Variants in RTF1 observed in about 807,000 individuals in gnomAD.
RTF1 encodes the protein RTF1 homolog, Paf1/RNA polymerase II complex component, also known as RNA polymerase-associated protein RTF1 homolog.
In RTF1, 10 loss-of-function variants were observed where a neutral mutation model predicts 95.7. The ratio of observed to expected loss-of-function variants is 0.10; its 90% CI spans 0.06 to 0.18. RTF1 has a LOEUF of 0.18. RTF1 is among the 10% of genes least tolerant of loss of function. The pLI is 1.00. For missense variants in RTF1, 458 were observed against 875.6 expected, an observed-to-expected ratio of 0.52 and a Z score of 6.02; for synonymous variants, 305 against 311.8, an observed-to-expected ratio of 0.98 and a Z score of 0.23.
intron 1 of RTF1, among the ~76,000 whole-genome samples, chr15:41,434,579 G>A (rs1262318235): frequency 6.6e-6 from 1 of 151,892 alleles, no homozygotes; most frequent in Non-Finnish European, 1.5e-5. Context: ...TGTAGATGAT[G>A]GGATATGGAG....
rs1432859215 is a variant in RTF1 at position 41,466,266 on chromosome 15, A to G, written c.889+14A>G. On this transcript the variant is annotated intron_variant, in intron 6 of 17. Coordinates refer to ENST00000389629, the MANE Select transcript of RTF1 (RefSeq NM_015138.5). ...AGAACAGAACAGGTAAGCGAGGGAAATATAATGGCTACTTGTGTCTTTATA... is the reference window on the plus strand; with the variant it reads ...AGAACAGAACAGGTAAGCGAGGGAAGTATAATGGCTACTTGTGTCTTTATA... The G allele has an allele frequency of 1.3e-6, 2 of 1,491,282 alleles. No homozygotes were observed. Among genetic ancestry groups the G allele is most frequent in the Admixed American group, 4.8e-5 (2 of 41,908 alleles). The allele number at this position is 1,491,282 out of a possible 1,614,324, so 92.4% of individuals were successfully genotyped here.
At chr15:41,432,914 G>A (rs2050682711) in intron 1 of RTF1, among the ~76,000 whole-genome samples, 1 of 150,522 alleles carries the variant, frequency 6.6e-6, no homozygotes, top group Non-Finnish European at 1.5e-5. Flanking sequence ...CTCCAGCTTG[G>A]GCAACAAGAG....
intron 1 of RTF1, among the ~76,000 whole-genome samples, chr15:41,430,534 G>T (rs1027891755): frequency 1.1e-4 from 16 of 151,968 alleles, no homozygotes; most frequent in Non-Finnish European, 2.1e-4. Context: ...GAGCTCAGAG[G>T]TTCAAGACCA....
At chr15:41,469,030 G>A (rs983081224) in intron 6 of RTF1, among the ~76,000 whole-genome samples, 6 of 151,652 alleles carry the variant, frequency 4.0e-5, no homozygotes, top group Non-Finnish European at 5.9e-5. Context: ...GTGCAGTGGC[G>A]CGATCTCGGC....
intron 1 of RTF1, among the ~76,000 whole-genome samples, chr15:41,437,989 T>C (rs570980750): frequency 9.8e-5 from 15 of 152,348 alleles, no homozygotes; most frequent in Non-Finnish European, 2.2e-4. Context: ...TTTGTAAACA[T>C]GTTTCTTACC....
chr15:41,461,206 C>T (rs2050846704), intron 4 of RTF1, among the ~76,000 whole-genome samples: 1 of 152,070 alleles, frequency 6.6e-6, no homozygotes, highest in African/African-American at 2.4e-5. Context: ...CCACGCCCAG[C>T]TAATTTTTGT....
chr15:41,424,967 A>G (rs776009655), intron 1 of RTF1, among the ~76,000 whole-genome samples: 1 of 151,756 alleles, frequency 6.6e-6, no homozygotes, highest in African/African-American at 2.4e-5. Context: ...CGAGATCACC[A>G]CTGTATTAGC....
chr15:41,435,276 T>A (rs1352206198), intron 1 of RTF1, among the ~76,000 whole-genome samples: 1 of 152,096 alleles, frequency 6.6e-6, no homozygotes, highest in Non-Finnish European at 1.5e-5. Flanking sequence ...GTTTAAAGTA[T>A]TTGTCAAACT....
At chr15:41,461,646 C>T (rs1482817032) in intron 4 of RTF1, among the ~76,000 whole-genome samples, 3 of 152,118 alleles carry the variant, frequency 2.0e-5, no homozygotes, top group African/African-American at 7.2e-5. Flanking sequence ...CCCGCCACCA[C>T]ACCCAGCCAA....
At chr15:41,426,190 A>G (rs1048828202) in intron 1 of RTF1, among the ~76,000 whole-genome samples, 2 of 152,006 alleles carry the variant, frequency 1.3e-5, no homozygotes, top group Admixed American at 1.3e-4. Context: ...CAGTGACACC[A>G]TCTTGGCTCA....
chr15:41,467,639 C>T (rs371582846), intron 6 of RTF1, among the ~76,000 whole-genome samples: 34 of 152,060 alleles, frequency 2.2e-4, no homozygotes, highest in South Asian at 1.9e-3. Flanking sequence ...CCCTTGAACC[C>T]GGGAGACGGA....
intron 3 of RTF1, among the ~76,000 whole-genome samples, chr15:41,453,300 G>GT (rs1385931778): frequency 6.6e-6 from 1 of 152,128 alleles, no homozygotes; most frequent in East Asian, 1.9e-4. Context: ...TCCTGCATTA[G>GT]TCTTGAATAC....
chr15:41,480,457 G>T, intron 17 of RTF1, 124 bp from the exon 18 acceptor site: 1 of 957,670 alleles, frequency 1.0e-6, no homozygotes, highest in South Asian at 1.4e-5. Context: ...GCCAGGCCAA[G>T]ACAGGCTGTG....
intron 8 of RTF1, among the ~76,000 whole-genome samples, chr15:41,473,973 G>C (rs143042558): frequency 1.7e-3 from 254 of 152,122 alleles, no homozygotes; most frequent in African/African-American, 5.9e-3. Context: ...GGAGGCAGAG[G>C]TTGCAGTGAG....
Position 41,417,168 on chromosome 15 carries a change from C to A in RTF1, c.53C>A (p.Ala18Glu). 1 of 1,262,324 alleles carries A rather than the reference C, an allele frequency of 7.9e-7. No individual in the cohort carries two copies. Among genetic ancestry groups the A allele is most frequent in the Middle Eastern group, 2.8e-4 (1 of 3,610 alleles). The allele number at this position is 1,262,324 out of a possible 1,614,324, so 78.2% of individuals were successfully genotyped here. The stretch of plus-strand genomic sequence containing the variant: ...GCAGCGGCGGCGGCGGCGGCAGTGG[C>A]GGTCCCACTGGCAGGCGGGCAAGAG... Reference protein sequence around the residue: ...GRAAAAAAAVAVPLAGGQEGS... With the variant: ...GRAAAAAAAVEVPLAGGQEGS... Residue 18 changes from alanine to glutamate, a missense_variant, in exon 1 of 18, where the codon GCG (alanine) becomes GAG (glutamate). By Grantham distance (107) the Ala-to-Glu change is moderately radical (BLOSUM62 -1). This residue lies in a region of RTF1 where 81 missense variants were observed against 59.9 expected (regional missense o/e 1.35). Transcript: ENST00000389629.
At chr15:41,449,650 T>G (rs1330262312) in intron 2 of RTF1, among the ~76,000 whole-genome samples, 1 of 149,228 alleles carries the variant, frequency 6.7e-6, no homozygotes. Context: ...GCCTGGTGAT[T>G]TTTTTTTTTC....
chr15:41,422,467 T>C (rs1442636395), intron 1 of RTF1, among the ~76,000 whole-genome samples: 2 of 152,226 alleles, frequency 1.3e-5, no homozygotes, highest in Admixed American at 1.3e-4. Flanking sequence ...GGCAAACCTC[T>C]GGGCTCTATG....
At chr15:41,419,391 T>C (rs2050589152) in intron 1 of RTF1, among the ~76,000 whole-genome samples, 1 of 152,232 alleles carries the variant, frequency 6.6e-6, no homozygotes, top group South Asian at 2.1e-4. Context: ...TTGAAAAAGT[T>C]AAATAACTCA....
chr15:41,468,898 A>G (rs1454335369), intron 6 of RTF1, among the ~76,000 whole-genome samples: 1 of 151,984 alleles, frequency 6.6e-6, no homozygotes, highest in Non-Finnish European at 1.5e-5. Flanking sequence ...ATCCTTGTGA[A>G]CTCATCATTT....
Sources: gnomAD v4.1 joint callset for allele counts (sites outside exome capture counted in the v4.1 genomes callset) on GRCh38, gnomAD v4.1.1 for gene constraint, gnomAD v4.1.1 regional missense constraint, MANE v1.5 for transcripts, NCBI Gene and HGNC (gene_info 2026-07-23, HGNC 2026-07-21) for gene names.